Variants in PRKX observed in about 807,000 individuals in gnomAD.
PRKX encodes protein kinase cAMP-dependent X-linked catalytic subunit.
A neutral mutation model predicts 22.0 loss-of-function variants in PRKX; 12 were observed. The observed-to-expected ratio is 0.54, with a 90% CI of 0.35 to 0.88. The LOEUF (loss-of-function observed/expected upper bound fraction) is 0.88. Among genes scored for constraint, PRKX ranks in the 40% least tolerant of loss-of-function variants. The pLI, the probability that PRKX is intolerant of heterozygous loss-of-function variation, is 0.01. For synonymous variants in PRKX, 134 were observed against 137.7 expected, an observed-to-expected ratio of 0.97 and a Z score of 0.19; for missense variants, 217 against 308.0, an observed-to-expected ratio of 0.70 and a Z score of 2.21.
chrX:3,670,053 CCA>C (rs1466648051), intron 2 of PRKX: 1 of 123,750 alleles, frequency 8.1e-6, no homozygotes, highest in Non-Finnish European at 1.9e-5. Flanking sequence ...CGGCCCCACC[CCA>C]GAGACTCCTC....
chrX:3,677,097 T>C (rs550106666), intron 1 of PRKX, among the ~76,000 whole-genome samples: 57 of 110,294 alleles, frequency 5.2e-4, no homozygotes, highest in African/African-American at 1.5e-3. Context: ...AGTAGAGAGG[T>C]AGTTATCAGA....
chrX:3,666,799 T>G (rs1400161043), intron 2 of PRKX, among the ~76,000 whole-genome samples: 1 of 105,488 alleles, frequency 9.5e-6, no homozygotes, highest in African/African-American at 3.5e-5. Context: ...TCCCAGCTAC[T>G]TGGGAGGCTG....
chrX:3,697,901 A>G (rs769003473), intron 1 of PRKX, among the ~76,000 whole-genome samples: 1 of 111,784 alleles, frequency 8.9e-6, no homozygotes, highest in Admixed American at 9.5e-5. Flanking sequence ...GCTGAGAGTC[A>G]CACAGAACAT....
intron 2 of PRKX, chrX:3,659,414 T>C (rs1337199563): frequency 1.8e-5 from 2 of 111,922 alleles, no homozygotes; most frequent in African/African-American, 6.5e-5. Context: ...TCTGCAATGA[T>C]GCTGGAGGTG....
intron 2 of PRKX, among the ~76,000 whole-genome samples, chrX:3,666,322 A>T (rs765145059): frequency 1.8e-5 from 2 of 108,854 alleles, no homozygotes; most frequent in South Asian, 8.2e-4. Context: ...CGCCCAGCTA[A>T]TTTTTTTGTA....
At chrX:3,671,326 C>T (rs751307810) in intron 2 of PRKX, among the ~76,000 whole-genome samples, 8 of 111,482 alleles carry the variant, frequency 7.2e-5, no homozygotes, top group Middle Eastern at 4.6e-3. Flanking sequence ...AACTCCTGGT[C>T]TCAAGTGATC....
chrX:3,674,665 G>A lies in PRKX; in HGVS notation c.268C>T (p.Gln90Ter). The stretch of plus-strand genomic sequence containing the variant: ...TTCTCATTGTGTACGTGTTGCTCCT[G>A]CTTTAGGCGGATGACGTCGGGAATG... ...MSIPDVIRLKQEQHVHNEKSV... is the reference protein window; with the variant it reads ...MSIPDVIRLK The change falls in exon 2 of 9, where the codon CAG becomes TAG. Residue 90 changes from glutamine (Q) to a stop codon, truncating the protein, a stop_gained. Coordinates refer to ENST00000262848, the MANE Select transcript of PRKX (RefSeq NM_005044.5). LOFTEE classifies it high-confidence loss of function. The A allele has an allele frequency of 8.3e-7, 1 of 1,211,657 alleles. No homozygotes were observed. The highest frequency in any genetic ancestry group is 3.0e-5 in the East Asian group (1 of 33,847).
chrX:3,632,209 G>T (rs1926798669), intron 4 of PRKX, among the ~76,000 whole-genome samples: 1 of 111,422 alleles, frequency 9.0e-6, no homozygotes, highest in Non-Finnish European at 1.9e-5. Context: ...TAGCATGAAG[G>T]TGAGTTTCCC....
At chrX:3,700,095 A>G (rs770723160) in intron 1 of PRKX, among the ~76,000 whole-genome samples, 167 of 112,009 alleles carry the variant, frequency 1.5e-3, no homozygotes, top group African/African-American at 5.2e-3. Context: ...ACAAAAAACC[A>G]AAATTAGGCG....
chrX:3,624,724 G>A (rs1926626401), intron 5 of PRKX, among the ~76,000 whole-genome samples: 1 of 110,735 alleles, frequency 9.0e-6, no homozygotes, highest in South Asian at 3.9e-4. Context: ...GGCTCAAGCA[G>A]TCCTCCCATC....
In PRKX at chrX:3,713,532, GC is replaced by G; in HGVS notation, c.-280del. The G allele has an allele frequency of 9.4e-6, 2 of 212,158 alleles. No individual in the cohort carries two copies. The highest frequency in any genetic ancestry group is 1.7e-5 in the Non-Finnish European group (2 of 116,251). 17.5% of individuals were successfully genotyped at this position (212,158 alleles called of 1,213,427 possible). A position where few individuals can be genotyped will look rare whatever the true frequency, so the allele number is the denominator to read the frequency against. On this transcript the variant is annotated 5_prime_UTR_variant, in exon 1 of 9. The change creates a premature stop within an existing upstream ORF in the 5' untranslated region. Coordinates refer to ENST00000262848, the MANE Select transcript of PRKX (RefSeq NM_005044.5). ...CGGGACGACTGCGGGGAAGGCGGGG[GC>G]CGCGGCCCGGGCTGGGGGGGGCGAG... is the stretch of plus-strand genomic sequence containing the variant.
At chrX:3,691,381 T>C (rs192981620) in intron 1 of PRKX, among the ~76,000 whole-genome samples, 163 of 111,110 alleles carry the variant, frequency 1.5e-3, no homozygotes, top group African/African-American at 4.9e-3. Context: ...TCTCTGGGCA[T>C]AGAGGAGGGA....
intron 4 of PRKX, among the ~76,000 whole-genome samples, chrX:3,632,500 G>A (rs1461481715): frequency 2.7e-5 from 3 of 111,592 alleles, no homozygotes; most frequent in Non-Finnish European, 5.6e-5. Flanking sequence ...CAGGAATGGA[G>A]CATTAAACTC....
chrX:3,713,605 G>A lies in PRKX; in HGVS notation c.-352C>T, dbSNP rs1201243570. The A allele has an allele frequency of 7.6e-6, 1 of 132,383 alleles. No homozygotes were observed. Among genetic ancestry groups the A allele is most frequent in the Non-Finnish European group, 1.5e-5 (1 of 66,362 alleles). 10.9% of individuals were successfully genotyped at this position (132,383 alleles called of 1,213,427 possible). A position where few individuals can be genotyped will look rare whatever the true frequency, so the allele number is the denominator to read the frequency against. On this transcript the variant is annotated 5_prime_UTR_variant, in exon 1 of 9. Coordinates refer to ENST00000262848, the MANE Select transcript of PRKX (RefSeq NM_005044.5). The stretch of plus-strand genomic sequence containing the variant: ...GGTCTCGCGCCCGCCGCCTCCTCCA[G>A]CTCGGTAGCCGCGTGCGCGCTGTTG...
intron 3 of PRKX, among the ~76,000 whole-genome samples, chrX:3,647,835 A>G (rs1381240687): frequency 1.8e-5 from 2 of 109,113 alleles, no homozygotes; most frequent in African/African-American, 6.7e-5. Flanking sequence ...CTTCTTCATC[A>G]TTCCAAACAG....
intron 2 of PRKX, among the ~76,000 whole-genome samples, chrX:3,663,934 C>A (rs150824645): frequency 1.4e-4 from 16 of 111,727 alleles, no homozygotes; most frequent in Non-Finnish European, 2.8e-4. Context: ...ATCTTGAGAC[C>A]AGCAAGACAG....
At position 3,607,805 on chromosome X, in the gene PRKX, C is replaced by T. The variant is rs1393978688; in HGVS notation, c.*1164G>A. On this transcript the variant is annotated 3_prime_UTR_variant, in exon 9 of 9. Transcript: ENST00000262848. The stretch of plus-strand genomic sequence containing the variant: ...TACAGGAGTGCACCACCGCACCCAG[C>T]TTCACTGTCTTTTAAAGCCTTAAGG... The T allele has an allele frequency of 9.1e-6, 1 of 109,563 alleles. No homozygotes were observed. Among genetic ancestry groups the T allele is most frequent in the Non-Finnish European group, 1.9e-5 (1 of 52,780 alleles). 9.0% of individuals were successfully genotyped at this position (109,563 alleles called of 1,213,427 possible). A position where few individuals can be genotyped will look rare whatever the true frequency, so the allele number is the denominator to read the frequency against.
intron 1 of PRKX, among the ~76,000 whole-genome samples, chrX:3,682,143 C>T (rs1221279054): frequency 9.1e-6 from 1 of 110,255 alleles, no homozygotes; most frequent in Non-Finnish European, 1.9e-5. Context: ...AGGAAGGTGA[C>T]GGGAGAAGGA....
At chrX:3,693,939 C>CAAA (rs1230845031) in intron 1 of PRKX, among the ~76,000 whole-genome samples, 5 of 33,040 alleles carry the variant, frequency 1.5e-4, no homozygotes, top group African/African-American at 4.2e-4. Context: ...GACTCCGTCT[C>CAAA]AAAAAAAAAA....
Sources: allele counts gnomAD v4.1 joint callset (sites outside exome capture counted in the v4.1 genomes callset), GRCh38; gene constraint gnomAD v4.1.1; transcripts MANE v1.5; gene names NCBI Gene and HGNC (gene_info 2026-07-23, HGNC 2026-07-21).